Variants in AFDN observed in about 807,000 individuals in gnomAD.
The protein encoded by AFDN is afadin.
Under a neutral mutation model 216.6 loss-of-function variants are expected in AFDN, and 68 were observed. The ratio of observed to expected loss-of-function variants is 0.31; its 90% CI spans 0.26 to 0.38. AFDN has a LOEUF of 0.38. AFDN is among the 10% of genes least tolerant of loss of function. The pLI, the probability that AFDN is intolerant of heterozygous loss-of-function variation, is 1.00. For missense variants in AFDN, 2,136 were observed against 2,342.0 expected, an observed-to-expected ratio of 0.91 and a Z score of 1.82; for synonymous variants, 868 against 853.7, an observed-to-expected ratio of 1.02 and a Z score of -0.29.
At chr6:167,890,349 A>G (rs947824409) in intron 7 of AFDN, among the ~76,000 whole-genome samples, 1 of 152,226 alleles carries the variant, frequency 6.6e-6, no homozygotes, top group Non-Finnish European at 1.5e-5. Context: ...AAATATACAC[A>G]TATATTTTGT....
Position 167,879,261 on chromosome 6 carries a change from C to T in AFDN, c.740-1099C>T, listed in dbSNP as rs145788979. Among the ~76,000 whole-genome samples, 97 of 152,258 alleles carry T rather than the reference C, an allele frequency of 6.4e-4. No homozygotes were observed. The Middle Eastern group carries it at 0.01, about 16-fold the overall frequency. Reference sequence around the variant, plus strand: ...GTGGACTAGTTGGTTTCTTAAAAGACCAACATGATTTTATTGTGAGCTAAG... The same window carrying T: ...GTGGACTAGTTGGTTTCTTAAAAGATCAACATGATTTTATTGTGAGCTAAG... On this transcript the variant is annotated intron_variant, in intron 5 of 33. Transcript: ENST00000683244.
chr6:167,952,034 G>T lies in AFDN; in HGVS notation c.4680G>T (p.Glu1560Asp), dbSNP rs375710695. 1 of 1,614,202 alleles carries T rather than the reference G, an allele frequency of 6.2e-7. No individual in the cohort carries two copies. The highest frequency in any genetic ancestry group is 8.5e-7 in the Non-Finnish European group (1 of 1,180,034). ...GCAAACCGGACCGCAGCGCCGAGGA[G>T]AGCGACCGGCTGCGCAAGCTCATGC... ...LQSKPDRSAEESDRLRKLMLE... is the reference protein window; with the variant it reads ...LQSKPDRSAEDSDRLRKLMLE... The change falls in exon 30 of 34, where the codon GAG becomes GAT. Residue 1560 changes from glutamate to aspartate, a missense_variant. By Grantham distance (45) the Glu-to-Asp change is conservative. Coordinates refer to ENST00000683244, the MANE Select transcript of AFDN (RefSeq NM_001386888.1).
chr6:167,894,686 CTA>C (rs1321417539), intron 9 of AFDN, among the ~76,000 whole-genome samples: 1 of 152,198 alleles, frequency 6.6e-6, no homozygotes, highest in Non-Finnish European at 1.5e-5. Flanking sequence ...GTTTATCTCT[CTA>C]TCTGTTGACA....
intron 1 of AFDN, among the ~76,000 whole-genome samples, chr6:167,847,862 A>G (rs1447500179): frequency 1.3e-5 from 2 of 151,820 alleles, no homozygotes; most frequent in Non-Finnish European, 2.9e-5. Context: ...CAGACTCCCC[A>G]ATTTTTTTTT....
At chr6:167,882,216 A>AT (rs1303236599) in intron 6 of AFDN, among the ~76,000 whole-genome samples, 2 of 152,172 alleles carry the variant, frequency 1.3e-5, no homozygotes, top group Non-Finnish European at 2.9e-5. Flanking sequence ...AGAAATAAAA[A>AT]ATATATAAAG....
intron 23 of AFDN, among the ~76,000 whole-genome samples, chr6:167,931,985 G>A (rs2038239): frequency 0.13 from 19,301 of 152,138 alleles, 1,484 homozygotes; most frequent in South Asian, 0.23. Flanking sequence ...AGTAGTAATA[G>A]TTATAGTTAC....
intron 21 of AFDN, among the ~76,000 whole-genome samples, chr6:167,920,823 T>C (rs1198429619): frequency 1.3e-5 from 2 of 152,226 alleles, no homozygotes; most frequent in Non-Finnish European, 1.5e-5. Flanking sequence ...CACTTACTTA[T>C]TTTCTTAATT....
At chr6:167,918,102 C>CT (rs1791332060) in intron 20 of AFDN, among the ~76,000 whole-genome samples, 3 of 152,168 alleles carry the variant, frequency 2.0e-5, no homozygotes, top group African/African-American at 7.2e-5. Context: ...GCGATGTTCT[C>CT]TTTTCTTGAA....
intron 1 of AFDN, among the ~76,000 whole-genome samples, chr6:167,859,075 T>G (rs1042696164): frequency 1.2e-4 from 18 of 150,836 alleles, no homozygotes; most frequent in Non-Finnish European, 1.8e-4. Flanking sequence ...GTTCTTGTTT[T>G]TTTTTTTTTT....
chr6:167,842,924 T>C (rs1358981668), intron 1 of AFDN, among the ~76,000 whole-genome samples: 1 of 152,170 alleles, frequency 6.6e-6, no homozygotes, highest in Admixed American at 6.5e-5. Flanking sequence ...TTTGCTACTA[T>C]CTGTAAATAA....
At chr6:167,845,250 G>C (rs145371692) in intron 1 of AFDN, among the ~76,000 whole-genome samples, 2 of 152,006 alleles carry the variant, frequency 1.3e-5, no homozygotes, top group African/African-American at 2.4e-5. Flanking sequence ...TTTTATTCTC[G>C]TCAATTTTTA....
Position 167,917,266 on chromosome 6 carries a change from G to A in AFDN, c.2709+34G>A, listed in dbSNP as rs374035869. The A allele has an allele frequency of 1.1e-5, 16 of 1,459,442 alleles. No homozygotes were observed. The Admixed American group carries it at 1.6e-4, about 14-fold the overall frequency. 90.4% of individuals were successfully genotyped at this position (1,459,442 alleles called of 1,614,324 possible). A position where few individuals can be genotyped will look rare whatever the true frequency, so the allele number is the denominator to read the frequency against. ...ATGTTGCCACATTACCACACAGTGC[G>A]GGACATGTTTGCATGGGGACATTTG... On this transcript the variant is annotated intron_variant, in intron 20 of 33. Transcript: ENST00000683244.
chr6:167,853,617 G>T (rs1782560183), intron 1 of AFDN, among the ~76,000 whole-genome samples: 1 of 151,958 alleles, frequency 6.6e-6, no homozygotes, highest in Non-Finnish European at 1.5e-5. Context: ...GAAAAGCTTT[G>T]CTTCCATCTT....
chr6:167,875,528 G>T (rs1785256708), intron 5 of AFDN, 33 bp downstream of exon 5: 27 of 1,604,778 alleles, frequency 1.7e-5, no homozygotes, highest in Non-Finnish European at 2.2e-5. Flanking sequence ...TGTTCTACCT[G>T]TTACAAAGAG....
At chr6:167,850,991 T>G (rs1019172142) in intron 1 of AFDN, among the ~76,000 whole-genome samples, 1 of 152,064 alleles carries the variant, frequency 6.6e-6, no homozygotes. Flanking sequence ...GCCTCCTGCA[T>G]TCAGGCGATT....
At chr6:167,890,759 T>C in intron 7 of AFDN, 103 bp from the exon 8 acceptor site, 1 of 1,084,212 alleles carries the variant, frequency 9.2e-7, no homozygotes, top group Non-Finnish European at 1.3e-6. Flanking sequence ...GTTCCTAAAT[T>C]ACATGCATCT....
In AFDN at chr6:167,970,515, G is replaced by A. The variant is rs1797954475; in HGVS notation, c.*580G>A. ...CTAGTCTGCATCGTGAAGTGGCTTAGGCCAAAGCTTCCTGTGTGATGACGC... is the reference window on the plus strand; with the variant it reads ...CTAGTCTGCATCGTGAAGTGGCTTAAGCCAAAGCTTCCTGTGTGATGACGC... On this transcript the variant is annotated 3_prime_UTR_variant, in exon 34 of 34. Coordinates refer to ENST00000683244, the MANE Select transcript of AFDN (RefSeq NM_001386888.1). The A allele has an allele frequency of 1.8e-5, 4 of 217,794 alleles. No individual in the cohort carries two copies. The highest frequency in any genetic ancestry group is 4.5e-5 in the African/African-American group (2 of 44,508). 13.5% of individuals were successfully genotyped at this position (217,794 alleles called of 1,614,324 possible). A position where few individuals can be genotyped will look rare whatever the true frequency, so the allele number is the denominator to read the frequency against.
chr6:167,860,187 T>TA (rs1562565373), intron 1 of AFDN, among the ~76,000 whole-genome samples: 2 of 89,066 alleles, frequency 2.2e-5, no homozygotes, highest in East Asian at 2.4e-4. Flanking sequence ...TTTTTTTTTT[T>TA]AGAAACCTTT....
chr6:167,827,219 G>C lies in AFDN; in HGVS notation c.87G>C (p.Glu29Asp). Residue 29 changes from glutamate (E) to aspartate (D), a missense_variant, in exon 1 of 34, where the codon GAG (glutamate) becomes GAC (aspartate). By Grantham distance (45) the Glu-to-Asp change is conservative (BLOSUM62 2). Coordinates refer to ENST00000683244, the MANE Select transcript of AFDN (RefSeq NM_001386888.1). ...HWNANRLDLF[E>D]ISQPTEDLEF... ...ACGCCAACCGGCTGGACCTGTTCGAGATCAGCCAGCCGACCGAGGTGAGCA... is the reference window on the plus strand; with the variant it reads ...ACGCCAACCGGCTGGACCTGTTCGACATCAGCCAGCCGACCGAGGTGAGCA... The C allele has an allele frequency of 8.1e-7, 1 of 1,236,042 alleles. No homozygotes were observed. The highest frequency in any genetic ancestry group is 1.0e-6 in the Non-Finnish European group (1 of 956,926). The allele number at this position is 1,236,042 out of a possible 1,614,324, so 76.6% of individuals were successfully genotyped here.
Sources: allele counts gnomAD v4.1 joint callset (sites outside exome capture counted in the v4.1 genomes callset), GRCh38; gene constraint gnomAD v4.1.1; transcripts MANE v1.5; gene names NCBI Gene and HGNC (gene_info 2026-07-23, HGNC 2026-07-21).